The following PTPRD variants were observed in gnomAD, a reference collection of about 807,000 sequenced individuals.
PTPRD encodes protein tyrosine phosphatase receptor type D, also known as receptor-type tyrosine-protein phosphatase delta.
A neutral mutation model predicts 214.5 loss-of-function variants in PTPRD; 34 were observed. That is an observed-to-expected ratio of 0.16 (90% CI 0.12 to 0.21). The LOEUF is 0.21. Among genes scored for constraint, PTPRD ranks in the 10% least tolerant of loss-of-function variants. The pLI, the probability that PTPRD is intolerant of heterozygous loss-of-function variation, is 1.00. For synonymous variants in PTPRD, 1,128 were observed against 845.7 expected (o/e 1.33, Z -5.79); for missense variants, 2,545 against 2,398.7 (o/e 1.06, Z -1.27).
intron 12 of PTPRD, among the ~76,000 whole-genome samples, chr9:8,698,350 A>G (rs1243274451): frequency 6.6e-6 from 1 of 152,228 alleles, no homozygotes; most frequent in Non-Finnish European, 1.5e-5. Context: ...CGAAGACGAC[A>G]GTTAGTGATA....
chr9:9,667,494 A>G, intron 7 of PTPRD, among the ~76,000 whole-genome samples: 1 of 152,154 alleles, frequency 6.6e-6, no homozygotes, highest in South Asian at 2.1e-4. Context: ...CAAATTATAC[A>G]GCAGTAAAAA....
At chr9:10,391,785 C>G (rs74736612) in intron 2 of PTPRD, among the ~76,000 whole-genome samples, 2,882 of 151,858 alleles carry the variant, frequency 0.019, 94 homozygotes, top group African/African-American at 0.065. Flanking sequence ...CAATGGGTTC[C>G]CATTGCCCTT....
chr9:9,393,811 A>G (rs2066749325), intron 9 of PTPRD, among the ~76,000 whole-genome samples: 1 of 152,158 alleles, frequency 6.6e-6, no homozygotes, highest in Non-Finnish European at 1.5e-5. Context: ...ATTTAGCACA[A>G]GGCCTGAGCT....
intron 2 of PTPRD, among the ~76,000 whole-genome samples, chr9:10,395,042 G>T (rs1238782559): frequency 6.8e-6 from 1 of 146,566 alleles, no homozygotes; most frequent in Non-Finnish European, 1.5e-5. Context: ...CTCTCCTACC[G>T]CTTGGTAAAT....
chr9:9,035,534 G>A (rs977583434), intron 10 of PTPRD, among the ~76,000 whole-genome samples: 3 of 151,906 alleles, frequency 2.0e-5, no homozygotes, highest in African/African-American at 4.8e-5. Flanking sequence ...CCTCCCTCCC[G>A]TCATAGGGTG....
intron 10 of PTPRD, among the ~76,000 whole-genome samples, chr9:9,079,887 GTGA>G (rs2099756564): frequency 6.6e-6 from 1 of 152,042 alleles, no homozygotes; most frequent in Non-Finnish European, 1.5e-5. Flanking sequence ...TAATACATTG[GTGA>G]TGATGTGTTG....
chr9:10,246,255 T>A (rs2092078666), intron 3 of PTPRD, among the ~76,000 whole-genome samples: 1 of 152,184 alleles, frequency 6.6e-6, no homozygotes, highest in South Asian at 2.1e-4. Flanking sequence ...TGTTTTGTTT[T>A]GTTTTGAGAT....
intron 11 of PTPRD, among the ~76,000 whole-genome samples, chr9:8,826,356 C>T (rs1175260372): frequency 6.6e-6 from 1 of 152,124 alleles, no homozygotes; most frequent in Non-Finnish European, 1.5e-5. Flanking sequence ...CTCCCATGGT[C>T]TCCTATTGTG....
chr9:10,058,462 C>T (rs1175771693), intron 3 of PTPRD, among the ~76,000 whole-genome samples: 1 of 152,044 alleles, frequency 6.6e-6, no homozygotes, highest in Admixed American at 6.6e-5. Flanking sequence ...CAATTTAAAT[C>T]TATGCTCCCA....
At chr9:8,419,911 A>G (rs1359524077) in intron 35 of PTPRD, among the ~76,000 whole-genome samples, 2 of 152,132 alleles carry the variant, frequency 1.3e-5, no homozygotes, top group Admixed American at 6.6e-5. Context: ...TTTTCTGTTT[A>G]AAAAATTAGG....
chr9:8,606,787 G>A (rs1484394299), intron 14 of PTPRD, among the ~76,000 whole-genome samples: 1 of 152,148 alleles, frequency 6.6e-6, no homozygotes, highest in Non-Finnish European at 1.5e-5. Context: ...CTCCTTAGTT[G>A]CCACATTTTA....
At chr9:9,130,461 C>T (rs746549265) in intron 10 of PTPRD, among the ~76,000 whole-genome samples, 1 of 152,270 alleles carries the variant, frequency 6.6e-6, no homozygotes, top group African/African-American at 2.4e-5. Context: ...TAATAGTCTA[C>T]AACTTGTGTA....
chr9:8,886,024 T>G (rs1264143013), intron 11 of PTPRD, among the ~76,000 whole-genome samples: 1 of 152,156 alleles, frequency 6.6e-6, no homozygotes, highest in Non-Finnish European at 1.5e-5. Flanking sequence ...TGACACACCT[T>G]TATGGTTTTT....
At chr9:10,391,156 T>A (rs2154491021) in intron 2 of PTPRD, among the ~76,000 whole-genome samples, 1 of 151,884 alleles carries the variant, frequency 6.6e-6, no homozygotes, top group East Asian at 2.0e-4. Context: ...CAGTTGGAAA[T>A]CAGGAGTAAT....
At position 10,520,214 on chromosome 9, in the gene PTPRD, G is replaced by T. The variant is rs551097371; in HGVS notation, c.-600+92184C>A. 1.5e-3 allele frequency among the ~76,000 whole-genome samples: 221 copies of T among 152,278 alleles called. 1 individual carries two copies. The highest frequency in any genetic ancestry group is 5.0e-3 in the African/African-American group (206 of 41,544). On this transcript the variant is annotated intron_variant, in intron 2 of 45. Transcript: ENST00000381196. ...TTATTGAAGCAAAAGTGCTACTCCAGTGAACACACGGATAATAAGATAGCA... is the reference window on the plus strand; with the variant it reads ...TTATTGAAGCAAAAGTGCTACTCCATTGAACACACGGATAATAAGATAGCA...
intron 11 of PTPRD, among the ~76,000 whole-genome samples, chr9:8,831,293 G>A (rs917783687): frequency 1.3e-5 from 2 of 152,066 alleles, no homozygotes; most frequent in African/African-American, 4.8e-5. Context: ...TTGAATCCTA[G>A]GAGAATGTCA....
At chr9:9,855,247 A>G (rs1041596008) in intron 5 of PTPRD, among the ~76,000 whole-genome samples, 1 of 152,196 alleles carries the variant, frequency 6.6e-6, no homozygotes, top group Non-Finnish European at 1.5e-5. Flanking sequence ...AAGGAAATTT[A>G]AAAAAGGAAA....
chr9:9,923,739 A>T (rs2083326168), intron 5 of PTPRD, among the ~76,000 whole-genome samples: 1 of 151,984 alleles, frequency 6.6e-6, no homozygotes, highest in Admixed American at 6.6e-5. Flanking sequence ...AGGTAAGCTC[A>T]TTGAAGAGAA....
At chr9:9,859,383 C>T (rs933647411) in intron 5 of PTPRD, among the ~76,000 whole-genome samples, 3 of 152,184 alleles carry the variant, frequency 2.0e-5, no homozygotes, top group African/African-American at 7.2e-5. Flanking sequence ...AAAGTTGAGT[C>T]TGAGCCTAAT....
Sources: gnomAD v4.1 joint callset for allele counts (sites outside exome capture counted in the v4.1 genomes callset) on GRCh38, gnomAD v4.1.1 for gene constraint, MANE v1.5 for transcripts, NCBI Gene and HGNC (gene_info 2026-07-23, HGNC 2026-07-21) for gene names.